Variants in PLIN2 observed in about 807,000 individuals in gnomAD.
PLIN2 encodes the protein perilipin 2, also known as perilipin-2.
In PLIN2, 33 loss-of-function variants were observed where a neutral mutation model predicts 30.6. The observed-to-expected ratio is 1.08, with a 90% CI of 0.82 to 1.44. The LOEUF (loss-of-function observed/expected upper bound fraction) is 1.44. Ranked by LOEUF, PLIN2 falls within the 40% of genes most tolerant of loss-of-function variation. The pLI, the probability that PLIN2 is intolerant of heterozygous loss-of-function variation, is 0.00. For synonymous variants in PLIN2, 205 were observed against 201.1 expected (o/e 1.02, Z -0.16); for missense variants, 610 against 531.8 (o/e 1.15, Z -1.45).
chr9:19,121,077 G>C lies in PLIN2; in HGVS notation c.398C>G (p.Thr133Arg), dbSNP rs757805666. The change falls in exon 5 of 8, where the codon ACG becomes AGG. Residue 133 changes from threonine (T) to arginine (R), a missense_variant. Thr to Arg is a moderately conservative substitution (Grantham distance 71). Coordinates refer to ENST00000276914, the MANE Select transcript of PLIN2 (RefSeq NM_001122.4). ...GGTCTTGTCCATCACCCCTGTGATC[G>C]TGCTGGCCACAGAATCCTTGGCCCC... ...VTGAKDSVAS[T>R]ITGVMDKTKG... 6.2e-7 allele frequency: 1 copy of C among 1,614,154 alleles called. No homozygotes were observed. Among genetic ancestry groups the C allele is most frequent in the Non-Finnish European group, 8.5e-7 (1 of 1,180,008 alleles).
intron 2 of PLIN2, among the ~76,000 whole-genome samples, chr9:19,109,490 G>C (rs1016738916): frequency 6.1e-5 from 9 of 147,858 alleles, no homozygotes; most frequent in East Asian, 6.0e-4. Context: ...GGAGCAGTGA[G>C]CCGAGGTTCA....
chr9:19,119,607 A>G (rs766890308), intron 6 of PLIN2, 43 bp downstream of exon 6: 2 of 1,209,230 alleles, frequency 1.7e-6, no homozygotes, highest in South Asian at 1.6e-5. Flanking sequence ...GCCTAGAGAT[A>G]AATGAACCCA....
At position 19,126,328 on chromosome 9, in the gene PLIN2, G is replaced by A; in HGVS notation, c.31-19C>T. On this transcript the variant is annotated intron_variant, in intron 2 of 7. Coordinates refer to ENST00000276914, the MANE Select transcript of PLIN2 (RefSeq NM_001122.4). ...CCACACTCTGCAATCAAAGTAGGGA[G>A]GGTATGCTTATTAATCTCTCAAAAC... 1.2e-6 allele frequency: 2 copies of A among 1,613,468 alleles called. No individual in the cohort carries two copies. The highest frequency in any genetic ancestry group is 1.7e-6 in the Non-Finnish European group (2 of 1,179,436).
Position 19,126,405 on chromosome 9 carries a change from G to C in PLIN2, c.22C>G (p.Pro8Ala). ...CTACTCAAAATTCATACCGGTTGTGGATCAACTGCAACGGATGCCATTTTT... is the reference window on the plus strand; with the variant it reads ...CTACTCAAAATTCATACCGGTTGTGCATCAACTGCAACGGATGCCATTTTT... The part of the protein sequence containing the change: MASVAVD[P>A]QPSVVTRVVN... The change falls in exon 2 of 8, where the codon CCA becomes GCA. Residue 8 changes from proline (P) to alanine (A), a missense_variant. By Grantham distance (27) the Pro-to-Ala change is conservative. Coordinates refer to ENST00000276914, the MANE Select transcript of PLIN2 (RefSeq NM_001122.4). 1.9e-6 allele frequency: 3 copies of C among 1,613,736 alleles called. No individual in the cohort carries two copies. Among genetic ancestry groups the C allele is most frequent in the South Asian group, 1.1e-5 (1 of 91,070 alleles).
intron 4 of PLIN2, chr9:19,123,241 A>C (rs993384530): frequency 2.1e-6 from 2 of 953,962 alleles, no homozygotes; most frequent in Admixed American, 2.5e-5. Flanking sequence ...AAGGTTATAT[A>C]TATCACGTCT....
In PLIN2 at chr9:19,116,632, A is replaced by G. The variant is rs141685840; in HGVS notation, c.930T>C (p.Thr310=). The G allele has an allele frequency of 7.9e-4, 1,268 of 1,612,094 alleles. 11 individuals carry two copies. In the African/African-American group the frequency reaches 0.015, roughly 19 times the overall value. ...GAGTCAGGTTGCGGGCAATTGCAAG[A>G]GTACGTGACTCAATGTGCTAAAAAT... ...SHCAEHIESR[T]LAIARNLTQQ... The change falls in exon 8 of 8, where the codon ACT becomes ACC. Residue 310 remains threonine, a synonymous_variant. Coordinates refer to ENST00000276914, the MANE Select transcript of PLIN2 (RefSeq NM_001122.4).
At chr9:19,114,961 C>A (rs1405238716), downstream of PLIN2, among the ~76,000 whole-genome samples, 1 of 152,188 alleles carries the variant, frequency 6.6e-6, no homozygotes, top group Admixed American at 6.6e-5. Context: ...AATGACAACA[C>A]AGTAAGTTAA....
chr9:19,119,693 T>C lies in PLIN2; in HGVS notation c.734A>G (p.Lys245Arg). 6.2e-7 allele frequency: 1 copy of C among 1,608,518 alleles called. No individual in the cohort carries two copies. Among genetic ancestry groups the C allele is most frequent in the Non-Finnish European group, 8.5e-7 (1 of 1,176,710 alleles). ...GAGCTGAGAAATGGTCTGTTGGCTT[T>C]TTTGCTTAGCTTCTTTAACCCTGCT... is the stretch of plus-strand genomic sequence containing the variant. ...ALSRVKEAKQ[K>R]SQQTISQLHS... is the part of the protein sequence containing the mutation. The change falls in exon 6 of 8, where the codon AAA (lysine) becomes AGA (arginine). Residue 245 changes from lysine to arginine, a missense_variant. Transcript: ENST00000276914.
chr9:19,122,508 G>A (rs1422537795), intron 4 of PLIN2, among the ~76,000 whole-genome samples: 2 of 143,710 alleles, frequency 1.4e-5, no homozygotes, highest in Middle Eastern at 3.2e-3. Flanking sequence ...TAGGTATATA[G>A]CAGGCTATAC....
downstream of PLIN2, among the ~76,000 whole-genome samples, chr9:19,113,878 G>C (rs1004559696): frequency 1.3e-5 from 2 of 151,000 alleles, no homozygotes; most frequent in Admixed American, 6.6e-5. Flanking sequence ...GGGTTCAAAC[G>C]ATTCTCCTGC....
intron 4 of PLIN2, among the ~76,000 whole-genome samples, chr9:19,122,448 G>A (rs1230714762): frequency 6.6e-6 from 1 of 151,774 alleles, no homozygotes; most frequent in South Asian, 2.1e-4. Flanking sequence ...TAGTCATGCT[G>A]TGCAGGTTTG....
At chr9:19,117,869 G>A (rs1164482908) in intron 7 of PLIN2, among the ~76,000 whole-genome samples, 1 of 152,006 alleles carries the variant, frequency 6.6e-6, no homozygotes, top group Non-Finnish European at 1.5e-5. Flanking sequence ...TACCCGCCTC[G>A]GCCTCCCAAA....
Position 19,117,244 on chromosome 9 carries a change from C to A in PLIN2, c.913-595G>T, listed in dbSNP as rs140196707. 4.2e-3 allele frequency among the ~76,000 whole-genome samples: 629 copies of A among 151,504 alleles called. 3 individuals carry two copies. Among genetic ancestry groups the A allele is most frequent in the African/African-American group, 0.015 (605 of 41,330 alleles). ...GGCACAATCATGGCTCACTGCGGACCCGACCTCTCGGGCTTAGGTGATCCT... is the reference window on the plus strand; with the variant it reads ...GGCACAATCATGGCTCACTGCGGACACGACCTCTCGGGCTTAGGTGATCCT... On this transcript the variant is annotated intron_variant, in intron 7 of 7. Coordinates refer to ENST00000276914, the MANE Select transcript of PLIN2 (RefSeq NM_001122.4).
At chr9:19,112,349 C>A (rs1317853991), downstream of PLIN2, among the ~76,000 whole-genome samples, 5 of 152,052 alleles carry the variant, frequency 3.3e-5, no homozygotes, top group African/African-American at 1.2e-4. Context: ...GAACTGTTTT[C>A]TGGAGGAAAA....
intron 2 of PLIN2, 25 bp downstream of exon 2, chr9:19,126,372 G>C (rs1339856710): frequency 6.2e-7 from 1 of 1,613,920 alleles, no homozygotes; most frequent in East Asian, 2.2e-5. Flanking sequence ...AGAGAAAGTA[G>C]ACAAAGGCTA....
At chr9:19,125,319 G>A (rs566439368) in intron 3 of PLIN2, among the ~76,000 whole-genome samples, 5 of 152,304 alleles carry the variant, frequency 3.3e-5, no homozygotes, top group South Asian at 2.1e-4. Flanking sequence ...TTGGGAGGCC[G>A]AGGCGGGCGG....
At chr9:19,120,417 A>T (rs1818296122) in intron 5 of PLIN2, among the ~76,000 whole-genome samples, 1 of 152,158 alleles carries the variant, frequency 6.6e-6, no homozygotes. Context: ...CTTTGTAAGG[A>T]GGATTTTATA....
intron 5 of PLIN2, among the ~76,000 whole-genome samples, chr9:19,120,064 C>T (rs1564030469): frequency 6.9e-6 from 1 of 144,598 alleles, no homozygotes; most frequent in Non-Finnish European, 1.5e-5. Context: ...GAGTAAACTG[C>T]TTTTTTTTTT....
At position 19,127,028 on chromosome 9, in the gene PLIN2, C is replaced by G. The variant is rs759124054; in HGVS notation, c.-23+391G>C. On this transcript the variant is annotated intron_variant, in intron 1 of 7. Coordinates refer to ENST00000276914, the MANE Select transcript of PLIN2 (RefSeq NM_001122.4). The surrounding 1 kb of genome is among the most constrained non-coding windows in gnomAD (Gnocchi z 4.3). The stretch of plus-strand genomic sequence containing the variant: ...CTGCACTCCAGCCTGGGCGACAGAG[C>G]GAGACTCCGTCAAAAAAAAAATGCG... Among the ~76,000 whole-genome samples the G allele has an allele frequency of 7.3e-5, 11 of 150,400 alleles. No individual in the cohort carries two copies. Among genetic ancestry groups the G allele is most frequent in the African/African-American group, 2.5e-4 (10 of 40,180 alleles).
Sources: gnomAD v4.1 joint callset for allele counts (sites outside exome capture counted in the v4.1 genomes callset) on GRCh38, gnomAD v4.1.1 for gene constraint, Gnocchi (gnomAD v3.1) non-coding constraint, MANE v1.5 for transcripts, NCBI Gene and HGNC (gene_info 2026-07-23, HGNC 2026-07-21) for gene names.